DNM2: variants seen among roughly 807,000 people sequenced by gnomAD.
DNM2 encodes the protein dynamin-2.
A neutral mutation model predicts 99.0 loss-of-function variants in DNM2; 15 were observed. The observed-to-expected ratio is 0.15, with a 90% CI of 0.10 to 0.23. The LOEUF is 0.23. DNM2 is among the 10% of genes least tolerant of loss of function. The pLI is 1.00. For missense variants in DNM2, 742 were observed against 1,189.4 expected, an observed-to-expected ratio of 0.62 and a Z score of 5.53; for synonymous variants, 525 against 481.2, an observed-to-expected ratio of 1.09 and a Z score of -1.19.
chr19:10,820,079 A>G lies in DNM2; in HGVS notation c.1771A>G (p.Thr591Ala). 6.2e-7 allele frequency: 1 copy of G among 1,614,150 alleles called. No individual in the cohort carries two copies. The highest frequency in any genetic ancestry group is 8.5e-7 in the Non-Finnish European group (1 of 1,180,022). Residue 591 changes from threonine (T) to alanine (A), a missense_variant, in exon 16 of 21, where the codon ACG (threonine) becomes GCG (alanine). Thr to Ala is a moderately conservative substitution (Grantham distance 58). Around this residue, in one of 7 missense-constraint regions of DNM2, gnomAD observed 240 missense variants for 431.3 expected, o/e 0.56. Transcript: ENST00000389253. This position sits in a 1 kb window ranked among gnomAD's most constrained non-coding sequence, Gnocchi z 4.3. ...CAAGCACGTCTTCGCCATCTTCAAC[A>G]CGGAGCAGAGGTGAGGGGCCCAGGG... ...SNKHVFAIFNTEQRNVYKDLR... is the reference protein window; with the variant it reads ...SNKHVFAIFNAEQRNVYKDLR...
intron 1 of DNM2, among the ~76,000 whole-genome samples, chr19:10,749,538 C>T (rs1254175765): frequency 1.3e-5 from 2 of 152,222 alleles, no homozygotes; most frequent in African/African-American, 4.8e-5. Context: ...CTGTGGCAGA[C>T]TGGAAGTGTC....
rs1392283861 is a variant in DNM2, at chr19:10,772,982, T to TG, written c.385+354_385+355insG. 2.7e-5 allele frequency among the ~76,000 whole-genome samples: 4 copies of TG among 148,636 alleles called. No homozygotes were observed. The highest frequency in any genetic ancestry group is 6.0e-5 in the Non-Finnish European group (4 of 66,996). On this transcript the variant is annotated intron_variant, in intron 3 of 20. Coordinates refer to ENST00000389253, the MANE Select transcript of DNM2 (RefSeq NM_001005361.3). This position sits in a 1 kb window ranked among gnomAD's most constrained non-coding sequence, Gnocchi z 4.9. The stretch of plus-strand genomic sequence containing the variant: ...AGTCTTCTGTAAAATATCCTGGGTT[T>TG]TTTTTTTTTTTTTTTGAGACAGAGT...
At chr19:10,736,332 T>TC (rs549941192) in intron 1 of DNM2, among the ~76,000 whole-genome samples, 37 of 152,168 alleles carry the variant, frequency 2.4e-4, no homozygotes, top group Non-Finnish European at 4.4e-4. Context: ...TAGGCTGGTT[T>TC]CAAACTACTG....
At chr19:10,724,941 G>A (rs1013928612) in intron 1 of DNM2, among the ~76,000 whole-genome samples, 2 of 152,248 alleles carry the variant, frequency 1.3e-5, no homozygotes, top group African/African-American at 2.4e-5. Context: ...ATGTGGATGA[G>A]CCGCGGGGGC....
intron 1 of DNM2, chr19:10,755,604 G>T (rs1398325290): frequency 6.6e-6 from 1 of 151,050 alleles, no homozygotes. Flanking sequence ...GCGATTACAG[G>T]TGTCCACCAC....
In DNM2 at chr19:10,777,206, G is replaced by T. The variant is rs746637292; in HGVS notation, c.678G>T (p.Pro226=). The T allele has an allele frequency of 1.2e-6, 2 of 1,614,164 alleles. No homozygotes were observed. The highest frequency in any genetic ancestry group is 1.7e-6 in the Non-Finnish European group (2 of 1,180,020). ...ACGTCTTGGAGAACAAGTTGCTCCC[G>T]TTGAGAAGAGGTGTGGCTTTGGGGG... is the stretch of plus-strand genomic sequence containing the variant. ...ARDVLENKLL[P]LRRGYIGVVN... The change falls in exon 5 of 21, where the codon CCG becomes CCT. Residue 226 remains proline (P), a synonymous_variant. Coordinates refer to ENST00000389253, the MANE Select transcript of DNM2 (RefSeq NM_001005361.3).
At chr19:10,718,541 G>A (rs1343507248) in intron 1 of DNM2, 138 bp downstream of exon 1, 11 of 1,200,590 alleles carry the variant, frequency 9.2e-6, no homozygotes, top group African/African-American at 3.2e-5. Context: ...GGGTCGGGGA[G>A]GCGGGCCCTG....
At chr19:10,750,307 T>C (rs2070147522) in intron 1 of DNM2, among the ~76,000 whole-genome samples, 1 of 151,318 alleles carries the variant, frequency 6.6e-6, no homozygotes, top group Non-Finnish European at 1.5e-5. Context: ...AGCGAGACCC[T>C]GTCTCTGCAA....
rs557328157 is a variant in DNM2 at position 10,726,856 on chromosome 19, C to CT, written c.161+8454dup. Among the ~76,000 whole-genome samples, 506 of 152,274 alleles carry CT rather than the reference C, an allele frequency of 3.3e-3. 3 individuals carry two copies. Among genetic ancestry groups the CT allele is most frequent in the Non-Finnish European group, 5.3e-3 (360 of 68,024 alleles). On this transcript the variant is annotated intron_variant, in intron 1 of 20. Coordinates refer to ENST00000389253, the MANE Select transcript of DNM2 (RefSeq NM_001005361.3). The stretch of plus-strand genomic sequence containing the variant: ...CCAGCCTGGGCAACAGAGCGAGACT[C>CT]TGTCTCAAAACAAACAAACAAACAA...
chr19:10,781,155 A>G (rs1256492934), intron 5 of DNM2, among the ~76,000 whole-genome samples: 1 of 152,176 alleles, frequency 6.6e-6, no homozygotes, highest in African/African-American at 2.4e-5. Flanking sequence ...GTGCCACTGC[A>G]ATGCAGAATG....
intron 1 of DNM2, among the ~76,000 whole-genome samples, chr19:10,727,679 T>G (rs2069158633): frequency 6.6e-6 from 1 of 152,048 alleles, no homozygotes; most frequent in Non-Finnish European, 1.5e-5. Context: ...CTAGGTTAGA[T>G]TTAGAGTTTT....
Position 10,772,662 on chromosome 19 carries a change from G to A in DNM2, c.385+34G>A, listed in dbSNP as rs368500011. The A allele has an allele frequency of 4.2e-5, 67 of 1,613,198 alleles. No individual in the cohort carries two copies. The highest frequency in any genetic ancestry group is 2.3e-4 in the South Asian group (21 of 91,008). On this transcript the variant is annotated intron_variant, in intron 3 of 20. Transcript: ENST00000389253. The surrounding 1 kb of genome is among the most constrained non-coding windows in gnomAD (Gnocchi z 4.9). ...CACGGGTGGGGACCCATCACTGACC[G>A]TTTCTGGTCGTTCATGGACAGTGCT...
intron 12 of DNM2, 26 bp from the exon 13 acceptor site, chr19:10,805,890 G>C (rs1434127043): frequency 6.2e-7 from 1 of 1,614,028 alleles, no homozygotes; most frequent in South Asian, 1.1e-5. Flanking sequence ...TTGTCCACGT[G>C]AACCCTGTCT....
At chr19:10,760,016 C>T (rs1053687047) in intron 2 of DNM2, among the ~76,000 whole-genome samples, 4 of 152,040 alleles carry the variant, frequency 2.6e-5, no homozygotes, top group African/African-American at 9.7e-5. Context: ...GACCAGAATG[C>T]CAGGTGCCAT....
chr19:10,724,077 T>G (rs1302009182), intron 1 of DNM2, among the ~76,000 whole-genome samples: 2 of 113,426 alleles, frequency 1.8e-5, no homozygotes, highest in Non-Finnish European at 3.4e-5. Flanking sequence ...GAACGAGACC[T>G]CGTCTCAAAA....
At chr19:10,824,110 G>C in intron 17 of DNM2, 1 of 585,146 alleles carries the variant, frequency 1.7e-6, no homozygotes, top group South Asian at 1.9e-5. Flanking sequence ...CAGTGACCGG[G>C]GCACACAGGG....
chr19:10,775,568 C>A lies in DNM2; in HGVS notation c.386-135C>A. On this transcript the variant is annotated intron_variant, in intron 3 of 20. Transcript: ENST00000389253. The surrounding 1 kb of genome is among the most constrained non-coding windows in gnomAD (Gnocchi z 4.3). Reference sequence around the variant, plus strand: ...GAGTTACTGGATCAAAGGTGTGGTTCAGGCAGAGTGTCAGGCGACATCCTC... The same window carrying A: ...GAGTTACTGGATCAAAGGTGTGGTTAAGGCAGAGTGTCAGGCGACATCCTC... 2 of 943,470 alleles carry A rather than the reference C, an allele frequency of 2.1e-6. No individual in the cohort carries two copies. The highest frequency in any genetic ancestry group is 3.5e-6 in the Non-Finnish European group (2 of 578,386). The allele number at this position is 943,470 out of a possible 1,614,324, so 58.4% of individuals were successfully genotyped here. A position where few individuals can be genotyped will look rare whatever the true frequency, so the allele number is the denominator to read the frequency against.
At chr19:10,797,044 A>T in intron 9 of DNM2, among the ~76,000 whole-genome samples, 1 of 152,016 alleles carries the variant, frequency 6.6e-6, no homozygotes, top group Non-Finnish European at 1.5e-5. Flanking sequence ...AGGGAGGGGG[A>T]AAACAGTCCA....
chr19:10,828,996 G>A, intron 18 of DNM2, 40 bp from the exon 19 acceptor site: 1 of 1,590,628 alleles, frequency 6.3e-7, no homozygotes, highest in South Asian at 1.1e-5. Context: ...CTGGGTTGGG[G>A]TGATACACAA....
Sources: gnomAD v4.1 joint callset for allele counts (sites outside exome capture counted in the v4.1 genomes callset) on GRCh38, gnomAD v4.1.1 for gene constraint, gnomAD v4.1.1 regional missense constraint, Gnocchi (gnomAD v3.1) non-coding constraint, MANE v1.5 for transcripts, NCBI Gene and HGNC (gene_info 2026-07-23, HGNC 2026-07-21) for gene names.